Variants in SRGAP2C observed in about 807,000 individuals in gnomAD.
The protein encoded by SRGAP2C is SLIT-ROBO Rho GTPase-activating protein 2C.
SRGAP2C carries 15 observed loss-of-function variants against 25.1 expected under a neutral mutation model. The observed-to-expected ratio is 0.60, with a 90% CI of 0.40 to 0.92. The LOEUF (loss-of-function observed/expected upper bound fraction) is 0.92. Among genes scored for constraint, SRGAP2C ranks in the 40% least tolerant of loss-of-function variants. SRGAP2C has a pLI of 0.00. For missense variants in SRGAP2C, 144 were observed against 264.4 expected (o/e 0.54, Z 3.16); for synonymous variants, 44 against 96.6 (o/e 0.46, Z 3.19).
intron 2 of SRGAP2C, among the ~76,000 whole-genome samples, chr1:121,211,406 T>TACAC (rs1211425473): frequency 3.7e-4 from 44 of 120,190 alleles, no homozygotes; most frequent in African/African-American, 1.4e-3. Flanking sequence ...GAGAGATATA[T>TACAC]ATATACACAT....
At chr1:121,374,611 C>T (rs587602813) in intron 6 of SRGAP2C, among the ~76,000 whole-genome samples, 27 of 152,190 alleles carry the variant, frequency 1.8e-4, no homozygotes, top group Admixed American at 1.2e-3. Flanking sequence ...AAGCGGGGCA[C>T]GCATCTTAAG....
At chr1:121,273,663 CG>C (rs1570755090) in intron 2 of SRGAP2C, among the ~76,000 whole-genome samples, 14 of 151,932 alleles carry the variant, frequency 9.2e-5, no homozygotes, top group East Asian at 7.7e-4. Context: ...GACATCTTCA[CG>C]TAACTATGTG....
chr1:121,268,239 G>T (rs1382130268), intron 2 of SRGAP2C, among the ~76,000 whole-genome samples: 14 of 151,286 alleles, frequency 9.3e-5, no homozygotes, highest in Non-Finnish European at 1.6e-4. Context: ...TGAGCAGAGA[G>T]CTCAATGAAG....
intron 2 of SRGAP2C, among the ~76,000 whole-genome samples, chr1:121,238,267 T>G (rs1354616581): frequency 4.6e-5 from 7 of 151,312 alleles, no homozygotes; most frequent in Non-Finnish European, 8.8e-5. Flanking sequence ...GGAAGAGTGT[T>G]GTGTAAAATC....
At chr1:121,222,791 T>A (rs1655564524) in intron 2 of SRGAP2C, among the ~76,000 whole-genome samples, 1 of 152,070 alleles carries the variant, frequency 6.6e-6, no homozygotes. Flanking sequence ...GCAGACAGAC[T>A]TCCTTTTCTA....
chr1:121,288,986 G>A (rs1239590083), intron 3 of SRGAP2C, among the ~76,000 whole-genome samples: 2 of 142,440 alleles, frequency 1.4e-5, no homozygotes, highest in Non-Finnish European at 3.0e-5. Context: ...CAATCCCTGA[G>A]CTACATATAA....
intron 2 of SRGAP2C, among the ~76,000 whole-genome samples, chr1:121,207,361 G>A (rs587694655): frequency 1.3e-3 from 204 of 151,494 alleles, no homozygotes; most frequent in Non-Finnish European, 2.6e-3. Context: ...TTTGGTTGGA[G>A]GCCCCTTATG....
intron 3 of SRGAP2C, among the ~76,000 whole-genome samples, chr1:121,304,208 A>C (rs1657769097): frequency 3.0e-5 from 2 of 67,010 alleles, no homozygotes; most frequent in Admixed American, 2.9e-4. Flanking sequence ...GAGACTCCAT[A>C]TCAAAAAAAA....
At chr1:121,353,501 A>G (rs1292568210) in intron 4 of SRGAP2C, among the ~76,000 whole-genome samples, 1 of 114,300 alleles carries the variant, frequency 8.7e-6, no homozygotes, top group African/African-American at 3.2e-5. Context: ...GGGGTTTTAA[A>G]TATGTATAAA....
chr1:121,204,092 C>A (rs1655057324), intron 2 of SRGAP2C, among the ~76,000 whole-genome samples: 1 of 83,332 alleles, frequency 1.2e-5, no homozygotes, highest in African/African-American at 6.1e-5. Flanking sequence ...GAGGCTGAGG[C>A]AGGAGAATCT....
chr1:121,219,000 T>C (rs587711249), intron 2 of SRGAP2C, among the ~76,000 whole-genome samples: 12 of 152,368 alleles, frequency 7.9e-5, no homozygotes, highest in African/African-American at 2.9e-4. Context: ...CTTGCCCATA[T>C]CTAATTCAGG....
intron 2 of SRGAP2C, among the ~76,000 whole-genome samples, chr1:121,267,916 A>T (rs1484823693): frequency 6.6e-6 from 1 of 151,978 alleles, no homozygotes. Flanking sequence ...ATTATAAAAA[A>T]TTCAAGCAAA....
At chr1:121,335,386 A>AAT (rs1658491013) in intron 4 of SRGAP2C, among the ~76,000 whole-genome samples, 2 of 141,744 alleles carry the variant, frequency 1.4e-5, no homozygotes, top group African/African-American at 5.5e-5. Flanking sequence ...AAATAAATAA[A>AAT]TAAAACAACC....
At chr1:121,329,519 A>T (rs1319623129) in intron 4 of SRGAP2C, among the ~76,000 whole-genome samples, 2 of 141,206 alleles carry the variant, frequency 1.4e-5, no homozygotes, top group African/African-American at 2.7e-5. Flanking sequence ...GTTGGGAATG[A>T]AATAGGGCAG....
At chr1:121,249,578 ATATTTTTT>A (rs1224193444) in intron 2 of SRGAP2C, among the ~76,000 whole-genome samples, 10 of 23,124 alleles carry the variant, frequency 4.3e-4, no homozygotes, top group Non-Finnish European at 6.5e-4. Context: ...ATATATATAT[ATATTTTTT>A]TTTTTTTTTT....
chr1:121,365,937 G>C (rs1384661508), intron 5 of SRGAP2C, among the ~76,000 whole-genome samples: 1 of 146,704 alleles, frequency 6.8e-6, no homozygotes, highest in Non-Finnish European at 1.5e-5. Flanking sequence ...TTGAAGAAGA[G>C]AACACAATCT....
chr1:121,289,060 G>A (rs1300485994), intron 3 of SRGAP2C, among the ~76,000 whole-genome samples: 10 of 144,908 alleles, frequency 6.9e-5, no homozygotes, highest in African/African-American at 2.0e-4. Flanking sequence ...ATCCCGCACC[G>A]GGGCTGCAGG....
intron 4 of SRGAP2C, among the ~76,000 whole-genome samples, chr1:121,341,277 A>T (rs1174747913): frequency 1.2e-5 from 1 of 84,060 alleles, no homozygotes; most frequent in African/African-American, 4.8e-5. Context: ...AGATATTTAC[A>T]GTGTGCCTCC....
intron 3 of SRGAP2C, among the ~76,000 whole-genome samples, chr1:121,313,774 A>G (rs1210911083): frequency 5.0e-5 from 6 of 120,712 alleles, no homozygotes; most frequent in East Asian, 2.9e-4. Context: ...TCTGGCTTGT[A>G]GGGTTTCTGC....
Sources: allele counts gnomAD v4.1 joint callset (sites outside exome capture counted in the v4.1 genomes callset), GRCh38; gene constraint gnomAD v4.1.1; transcripts MANE v1.5; gene names NCBI Gene and HGNC (gene_info 2026-07-23, HGNC 2026-07-21).